The following ALG6 variants were observed in gnomAD, a reference collection of about 807,000 sequenced individuals.
ALG6 encodes the protein dolichyl pyrophosphate Man9GlcNAc2 alpha-1,3-glucosyltransferase.
ALG6 carries 46 observed loss-of-function variants against 66.6 expected under a neutral mutation model. The observed-to-expected ratio is 0.69, with a 90% CI of 0.55 to 0.88. The LOEUF (loss-of-function observed/expected upper bound fraction) is 0.88, where lower values mean the gene tolerates loss of function less well. Among genes scored for constraint, ALG6 ranks in the 40% least tolerant of loss-of-function variants. ALG6 has a pLI of 0.00. For missense variants in ALG6, 505 were observed against 586.8 expected (o/e 0.86, Z 1.44); for synonymous variants, 185 against 203.7 (o/e 0.91, Z 0.78).
At chr1:63,422,210 A>AAT (rs1380324009) in intron 12 of ALG6, among the ~76,000 whole-genome samples, 3 of 106,878 alleles carry the variant, frequency 2.8e-5, no homozygotes, top group African/African-American at 8.7e-5. Context: ...TATGAATATA[A>AAT]ATATATATTT....
At position 63,411,169 on chromosome 1, in the gene ALG6, T is replaced by G; in HGVS notation, c.518T>G (p.Phe173Cys). 1 of 1,613,872 alleles carries G rather than the reference T, an allele frequency of 6.2e-7. No individual in the cohort carries two copies. The highest frequency in any genetic ancestry group is 8.5e-7 in the Non-Finnish European group (1 of 1,179,866). ...ATATATAATTCTGTGAGTCTTGGCT[T>G]TGCTTTGTGGGGTGTTCTTGGAATA... The part of the protein sequence containing the change: ...HFQYNSVSLG[F>C]ALWGVLGISC... The change falls in exon 8 of 15, where the codon TTT becomes TGT. Residue 173 changes from phenylalanine (F) to cysteine (C), a missense_variant. Coordinates refer to ENST00000263440, the MANE Select transcript of ALG6 (RefSeq NM_013339.4).
In ALG6 at chr1:63,402,796, GT is replaced by G. The variant is rs370107293; in HGVS notation, c.257+457del. 2.6e-4 allele frequency among the ~76,000 whole-genome samples: 39 copies of G among 148,338 alleles called. No individual in the cohort carries two copies. In the East Asian group the frequency reaches 8.3e-3, roughly 31 times the overall value. On this transcript the variant is annotated intron_variant, in intron 4 of 14. Transcript: ENST00000263440. ...CTATTGTATTGTGTATTACAAATGG[GT>G]TTTAAGAAATAACTATTGGCTGGGA...
intron 10 of ALG6, 43 bp downstream of exon 10, chr1:63,414,189 C>CTTTTAAAAAA: frequency 7.5e-7 from 1 of 1,333,840 alleles, no homozygotes; most frequent in Non-Finnish European, 1.1e-6. Context: ...ATAAGTTACT[C>CTTTTAAAAAA]TTTAAAAGCA....
chr1:63,388,552 T>C (rs965871881), intron 2 of ALG6, among the ~76,000 whole-genome samples: 2 of 152,198 alleles, frequency 1.3e-5, no homozygotes, highest in African/African-American at 4.8e-5. Context: ...TGAAAAGTTA[T>C]GGTTATTATT....
intron 7 of ALG6, 63 bp downstream of exon 7, chr1:63,407,189 A>T: frequency 8.3e-7 from 1 of 1,202,118 alleles, no homozygotes; most frequent in Non-Finnish European, 1.2e-6. Flanking sequence ...CTCAATGTGT[A>T]CATTGCTGTC....
chr1:63,411,364 T>A, intron 8 of ALG6, 33 bp downstream of exon 8: 8 of 1,594,642 alleles, frequency 5.0e-6, no homozygotes, highest in Non-Finnish European at 6.9e-6. Context: ...AATCCAAAAA[T>A]TTACTTCAGA....
chr1:63,429,052 T>G lies in ALG6; in HGVS notation c.1252T>G (p.Leu418Val), dbSNP rs1245099808. 7 of 1,606,464 alleles carry G rather than the reference T, an allele frequency of 4.4e-6. No homozygotes were observed. The African/African-American group carries it at 9.4e-5, about 22-fold the overall frequency. ...FEKTSEEELQ[L>V]KSFSISVRKY... ...AAAGACTTCTGAAGAAGAACTGCAG[T>G]TGAAATCCTTTTCCATTTCTGTGAG... is the stretch of plus-strand genomic sequence containing the variant. The change falls in exon 14 of 15, where the codon TTG becomes GTG. Residue 418 changes from leucine (L) to valine (V), a missense_variant. Leu to Val is a conservative substitution (Grantham distance 32). Transcript: ENST00000263440.
intron 12 of ALG6, among the ~76,000 whole-genome samples, chr1:63,420,316 C>G (rs1025287538): frequency 4.6e-5 from 7 of 152,154 alleles, no homozygotes; most frequent in Admixed American, 1.3e-4. Flanking sequence ...TGAGGCTAGG[C>G]TGACCCTACA....
At chr1:63,424,761 C>A (rs1644606047) in intron 12 of ALG6, among the ~76,000 whole-genome samples, 1 of 148,442 alleles carries the variant, frequency 6.7e-6, no homozygotes, top group Non-Finnish European at 1.5e-5. Context: ...TGTCTTTGAT[C>A]CATTTTGAGT....
Position 63,411,923 on chromosome 1 carries a change from T to G in ALG6, c.681-3T>G. Reference sequence around the variant, plus strand: ...TTACTGCCTACCTTTGTTTTTGTTTTAGGTTTGTGTTGCTAGTTAAGCTAG... The same window carrying G: ...TTACTGCCTACCTTTGTTTTTGTTTGAGGTTTGTGTTGCTAGTTAAGCTAG... On this transcript the variant is annotated splice_region_variant and splice_polypyrimidine_tract_variant and intron_variant, in intron 8 of 14. Coordinates refer to ENST00000263440, the MANE Select transcript of ALG6 (RefSeq NM_013339.4). 1.2e-6 allele frequency: 2 copies of G among 1,614,128 alleles called. No homozygotes were observed. The highest frequency in any genetic ancestry group is 1.7e-6 in the Non-Finnish European group (2 of 1,179,966).
chr1:63,422,257 A>T (rs1176368026), intron 12 of ALG6, among the ~76,000 whole-genome samples: 1 of 115,064 alleles, frequency 8.7e-6, no homozygotes, highest in African/African-American at 3.6e-5. Context: ...ATATATATTT[A>T]TATAGATATA....
At chr1:63,396,480 T>C (rs376787819) in intron 2 of ALG6, 33 bp from the exon 3 acceptor site, 1 of 1,548,646 alleles carries the variant, frequency 6.5e-7, no homozygotes, top group South Asian at 1.1e-5. Context: ...CTAAAGTACA[T>C]TGTTGTTTTG....
intron 2 of ALG6, among the ~76,000 whole-genome samples, chr1:63,383,821 C>A (rs1207638949): frequency 1.3e-5 from 2 of 151,996 alleles, no homozygotes; most frequent in African/African-American, 4.8e-5. Flanking sequence ...CCTACCCCAC[C>A]CACTCTTCTC....
At chr1:63,405,417 A>G (rs1213839218) in intron 5 of ALG6, among the ~76,000 whole-genome samples, 1 of 152,162 alleles carries the variant, frequency 6.6e-6, no homozygotes, top group African/African-American at 2.4e-5. Context: ...TCCACCAGTC[A>G]TTACAGATTA....
chr1:63,432,687 C>T (rs1337159346), intron 14 of ALG6, among the ~76,000 whole-genome samples: 1 of 152,188 alleles, frequency 6.6e-6, no homozygotes, highest in Non-Finnish European at 1.5e-5. Flanking sequence ...TTAGAGGCAG[C>T]TCAATTATCC....
At chr1:63,419,528 A>G (rs1169106496) in intron 12 of ALG6, 88 bp downstream of exon 12, 7 of 927,710 alleles carry the variant, frequency 7.5e-6, no homozygotes, top group Non-Finnish European at 1.1e-5. Context: ...ATGCAAAACA[A>G]AACTACACAA....
chr1:63,393,232 A>G (rs928580905), intron 2 of ALG6, among the ~76,000 whole-genome samples: 2 of 152,214 alleles, frequency 1.3e-5, no homozygotes, highest in Non-Finnish European at 2.9e-5. Flanking sequence ...CCCGCCACCC[A>G]GCCAAAGAAT....
Position 63,411,316 on chromosome 1 carries a change from G to A in ALG6, c.665G>A (p.Gly222Asp), listed in dbSNP as rs532466353. ...CFLLGKCFKK[G>D]LKGKGFVLLV... is the part of the protein sequence containing the mutation. The stretch of plus-strand genomic sequence containing the variant: ...TTACTTGGCAAGTGTTTTAAAAAAG[G>A]CCTCAAAGGAAAGGGGTGAGTGACT... The change falls in exon 8 of 15, where the codon GGC becomes GAC. Residue 222 changes from glycine to aspartate, a missense_variant. Transcript: ENST00000263440. 2.1e-4 allele frequency: 333 copies of A among 1,613,656 alleles called. 3 individuals carry two copies. In the South Asian group the frequency reaches 3.4e-3, roughly 16 times the overall value.
Position 63,406,688 on chromosome 1 carries a change from T to C in ALG6, c.429+289T>C, listed in dbSNP as rs12076154. The stretch of plus-strand genomic sequence containing the variant: ...CTGAATTTTGAGCTGGCTTGTGAGA[T>C]TGACCAAACTGAAAGGCATTTTGAA... On this transcript the variant is annotated intron_variant, in intron 6 of 14. Coordinates refer to ENST00000263440, the MANE Select transcript of ALG6 (RefSeq NM_013339.4). Among the ~76,000 whole-genome samples the C allele has an allele frequency of 0.021, 3,173 of 152,198 alleles. 97 individuals are homozygous for C. The highest frequency in any genetic ancestry group is 0.073 in the African/African-American group (3,014 of 41,546).
Sources: gnomAD v4.1 joint callset for allele counts (sites outside exome capture counted in the v4.1 genomes callset) on GRCh38, gnomAD v4.1.1 for gene constraint, MANE v1.5 for transcripts, NCBI Gene and HGNC (gene_info 2026-07-23, HGNC 2026-07-21) for gene names.